Variants in SIK3 observed in about 807,000 individuals in gnomAD.
SIK3 encodes SIK family kinase 3.
Under a neutral mutation model 144.2 loss-of-function variants are expected in SIK3, and 28 were observed. The ratio of observed to expected loss-of-function variants is 0.19; its 90% CI spans 0.14 to 0.27. SIK3 has a LOEUF of 0.27. Among genes scored for constraint, SIK3 ranks in the 10% least tolerant of loss-of-function variants. The pLI is 1.00. For synonymous variants in SIK3, 686 were observed against 676.3 expected, an observed-to-expected ratio of 1.01 and a Z score of -0.22; for missense variants, 1,319 against 1,776.0, an observed-to-expected ratio of 0.74 and a Z score of 4.62.
chr11:117,059,891 T>A (rs2135950209), intron 1 of SIK3, among the ~76,000 whole-genome samples: 1 of 152,332 alleles, frequency 6.6e-6, no homozygotes, highest in South Asian at 2.1e-4. Flanking sequence ...GAACTCTCAT[T>A]TACTGCTGGT....
At chr11:116,887,928 C>G (rs1273335699) in intron 6 of SIK3, among the ~76,000 whole-genome samples, 1 of 152,104 alleles carries the variant, frequency 6.6e-6, no homozygotes, top group East Asian at 1.9e-4. Flanking sequence ...CTCAGGATGC[C>G]TATGAAAGGA....
chr11:117,035,067 C>T (rs1281772780), intron 1 of SIK3, among the ~76,000 whole-genome samples: 2 of 152,032 alleles, frequency 1.3e-5, no homozygotes, highest in East Asian at 3.8e-4. Context: ...GAATATACCA[C>T]CATTTATTTA....
intron 21 of SIK3, among the ~76,000 whole-genome samples, chr11:116,856,679 T>C (rs1037885693): frequency 3.9e-5 from 6 of 152,222 alleles, no homozygotes; most frequent in Non-Finnish European, 5.9e-5. Context: ...AAGGTCAGGA[T>C]TGAATTGGCA....
chr11:116,891,207 C>T (rs1945084766), intron 6 of SIK3, among the ~76,000 whole-genome samples: 1 of 152,088 alleles, frequency 6.6e-6, no homozygotes, highest in African/African-American at 2.4e-5. Flanking sequence ...GTCCCAGCTA[C>T]TTGGGAGGCT....
chr11:116,988,551 C>T (rs542654239), intron 1 of SIK3, among the ~76,000 whole-genome samples: 1 of 152,040 alleles, frequency 6.6e-6, no homozygotes, highest in Non-Finnish European at 1.5e-5. Flanking sequence ...GATGCCGAGG[C>T]AGGTGAATTG....
At chr11:117,041,567 G>T (rs1029690701) in intron 1 of SIK3, among the ~76,000 whole-genome samples, 11 of 152,162 alleles carry the variant, frequency 7.2e-5, no homozygotes, top group African/African-American at 2.7e-4. Context: ...TAAAATATCT[G>T]AAAATAATTG....
chr11:117,074,584 A>G lies in SIK3; in HGVS notation c.273+23559T>C, dbSNP rs867703291. On this transcript the variant is annotated intron_variant, in intron 1 of 24. Transcript: ENST00000445177. ...TTACTTGTCAATATAAAACCCTAAC[A>G]TATTTTTTTAAATCCTCTAGCATTG... Among the ~76,000 whole-genome samples, 18 of 152,310 alleles carry G rather than the reference A, an allele frequency of 1.2e-4. No individual in the cohort carries two copies. The South Asian group carries it at 1.2e-3, about 11-fold the overall frequency.
intron 1 of SIK3, among the ~76,000 whole-genome samples, chr11:117,041,903 C>T (rs892677790): frequency 1.7e-4 from 21 of 125,840 alleles, no homozygotes; most frequent in African/African-American, 2.1e-4. Context: ...CCCGTTTATC[C>T]CTACTCTTTT....
At position 116,859,328 on chromosome 11, in the gene SIK3, G is replaced by A. The variant is rs1301446494; in HGVS notation, c.2702C>T (p.Thr901Ile). The change falls in exon 20 of 25, where the codon ACC becomes ATC. Residue 901 changes from threonine to isoleucine, a missense_variant. By Grantham distance (89) the Thr-to-Ile change is moderately conservative. Coordinates refer to ENST00000445177, the MANE Select transcript of SIK3 (RefSeq NM_001366686.3). ...QMQHRTNLMA[T>I]LSYGHRPLSK... ...CAAGGGACGGTGCCCATAGCTGAGG[G>A]TGGCCATCAGGTTGGTACGGTGCTG... The A allele has an allele frequency of 1.2e-6, 2 of 1,613,944 alleles. No individual in the cohort carries two copies. The highest frequency in any genetic ancestry group is 2.2e-5 in the South Asian group (2 of 91,086).
At chr11:116,848,969 GA>G (rs941034449) in intron 22 of SIK3, 150 bp downstream of exon 22, 94 of 917,486 alleles carry the variant, frequency 1.0e-4, no homozygotes, top group South Asian at 1.3e-4. Flanking sequence ...TCTCAAAAAA[GA>G]AAAAAAAAGA....
At chr11:116,984,692 A>G (rs942436507) in intron 1 of SIK3, among the ~76,000 whole-genome samples, 1 of 146,718 alleles carries the variant, frequency 6.8e-6, no homozygotes, top group East Asian at 2.0e-4. Context: ...GAAAAAAAGC[A>G]ACACACACAC....
At chr11:117,011,522 T>C (rs1467519427) in intron 1 of SIK3, among the ~76,000 whole-genome samples, 6 of 152,248 alleles carry the variant, frequency 3.9e-5, no homozygotes, top group African/African-American at 1.4e-4. Flanking sequence ...AACGGAAATT[T>C]TTTTTTTTAC....
At position 116,862,371 on chromosome 11, in the gene SIK3, G is replaced by A. The variant is rs767817484; in HGVS notation, c.2104-44C>T. 1.1e-5 allele frequency: 18 copies of A among 1,611,602 alleles called. No individual in the cohort carries two copies. The African/African-American group carries it at 1.3e-4, about 12-fold the overall frequency. On this transcript the variant is annotated intron_variant, in intron 16 of 24. Transcript: ENST00000445177. ...ATACAGATGGGATGCAGCCAGACCC[G>A]CCTCATGCAGTGATTTCAGCAGATG...
intron 1 of SIK3, among the ~76,000 whole-genome samples, chr11:116,972,913 G>A (rs1055300912): frequency 3.3e-5 from 5 of 152,002 alleles, no homozygotes; most frequent in Non-Finnish European, 7.4e-5. Flanking sequence ...GCCATGTTAC[G>A]GAAGCCCTCA....
chr11:116,971,046 G>T (rs908614522), intron 1 of SIK3, among the ~76,000 whole-genome samples: 1 of 152,184 alleles, frequency 6.6e-6, no homozygotes, highest in African/African-American at 2.4e-5. Context: ...GTGAATAAGT[G>T]TTTCTTTCCT....
At chr11:116,863,208 A>G (rs1943445936) in intron 16 of SIK3, among the ~76,000 whole-genome samples, 1 of 152,198 alleles carries the variant, frequency 6.6e-6, no homozygotes, top group South Asian at 2.1e-4. Context: ...GATCCTGGGG[A>G]GGGCTGTACA....
intron 4 of SIK3, among the ~76,000 whole-genome samples, chr11:116,912,950 G>C (rs547814562): frequency 3.9e-5 from 6 of 152,168 alleles, no homozygotes; most frequent in Non-Finnish European, 8.8e-5. Flanking sequence ...ATGTTCTCCT[G>C]ACTATTAAAA....
In SIK3 at chr11:116,907,403, T is replaced by TC. The variant is rs1565436917; in HGVS notation, c.617-10087_617-10086insG. 2.6e-5 allele frequency among the ~76,000 whole-genome samples: 4 copies of TC among 152,186 alleles called. No homozygotes were observed. The East Asian group carries it at 7.7e-4, about 29-fold the overall frequency. ...GGCTCACACCTGTAATCCCAGAACT[T>TC]TGGGAGGCCAAGGCTGGCGGATCAC... On this transcript the variant is annotated intron_variant, in intron 4 of 24. Transcript: ENST00000445177.
intron 1 of SIK3, among the ~76,000 whole-genome samples, chr11:117,092,797 T>G (rs756571495): frequency 2.6e-5 from 4 of 152,192 alleles, no homozygotes; most frequent in Non-Finnish European, 4.4e-5. Context: ...TTGTTCTCTT[T>G]TACGCGATGA....
Sources: gnomAD v4.1 joint callset for allele counts (sites outside exome capture counted in the v4.1 genomes callset) on GRCh38, gnomAD v4.1.1 for gene constraint, MANE v1.5 for transcripts, NCBI Gene and HGNC (gene_info 2026-07-23, HGNC 2026-07-21) for gene names.